The following ZFHX3 variants were observed in gnomAD, a reference collection of about 807,000 sequenced individuals.
ZFHX3 encodes zinc finger homeobox 3, also known as zinc finger homeobox protein 3.
A neutral mutation model predicts 279.1 loss-of-function variants in ZFHX3; 42 were observed. The observed-to-expected ratio is 0.15, with a 90% CI of 0.12 to 0.19. The LOEUF (loss-of-function observed/expected upper bound fraction) is 0.19. Among genes scored for constraint, ZFHX3 ranks in the 10% least tolerant of loss-of-function variants. The probability of loss-of-function intolerance (pLI) is 1.00; values close to 1 mark genes in which losing one functional copy is unlikely to be tolerated. For synonymous variants in ZFHX3, 2,293 were observed against 1,957.8 expected, an observed-to-expected ratio of 1.17 and a Z score of -4.52; for missense variants, 4,981 against 4,754.0, an observed-to-expected ratio of 1.05 and a Z score of -1.40.
rs1204695215 is a variant in ZFHX3 at position 72,866,553 on chromosome 16, C to A, written c.3448+23178G>T. On this transcript the variant is annotated intron_variant, in intron 4 of 9. Coordinates refer to ENST00000268489, the MANE Select transcript of ZFHX3 (RefSeq NM_006885.4). ...ATAACTTGACCAAGGTCACTAAGCT[C>A]AGAAAAGCTGGGATCTAAACTCCTA... 2.6e-5 allele frequency among the ~76,000 whole-genome samples: 4 copies of A among 152,148 alleles called. No homozygotes were observed. In the South Asian group the frequency reaches 6.2e-4, roughly 24 times the overall value.
chr16:72,872,721 A>G (rs2038194929), intron 4 of ZFHX3, among the ~76,000 whole-genome samples: 1 of 152,200 alleles, frequency 6.6e-6, no homozygotes, highest in Non-Finnish European at 1.5e-5. Flanking sequence ...GGCCTCACAA[A>G]GTGCTCAGAT....
intron 1 of ZFHX3, among the ~76,000 whole-genome samples, chr16:72,967,923 A>G (rs372262163): frequency 2.0e-4 from 22 of 109,748 alleles, no homozygotes; most frequent in African/African-American, 7.0e-4. Context: ...GAGAGACCCC[A>G]TCTAAAAAAA....
chr16:73,270,106 C>T (rs966660450), intron 4 of ZFHX3, among the ~76,000 whole-genome samples: 3 of 152,110 alleles, frequency 2.0e-5, no homozygotes, highest in African/African-American at 7.2e-5. Context: ...TAAAATTGTT[C>T]ATCCTTGTCA....
chr16:73,873,989 A>G (rs940559087), intron 1 of ZFHX3, among the ~76,000 whole-genome samples: 1 of 152,164 alleles, frequency 6.6e-6, no homozygotes, highest in Admixed American at 6.5e-5. Flanking sequence ...AAAAAAAAAG[A>G]AACAAAGGTA....
chr16:73,265,035 ACACCTCAGCGCATATATATAATAG>A (rs2013932423), intron 4 of ZFHX3, among the ~76,000 whole-genome samples: 1 of 111,948 alleles, frequency 8.9e-6, no homozygotes, highest in African/African-American at 3.1e-5. Flanking sequence ...TATATATATA[ACACCTCAGCGCATATATATAATAG>A]CACCTCAGCG....
intron 3 of ZFHX3, among the ~76,000 whole-genome samples, chr16:73,349,650 C>CCT (rs2016191655): frequency 1.3e-4 from 2 of 15,258 alleles, no homozygotes; most frequent in Admixed American, 4.5e-4. Flanking sequence ...CCCTCCCTCT[C>CCT]TCCCTCCTTC....
At chr16:73,312,485 T>C (rs7189366) in intron 4 of ZFHX3, among the ~76,000 whole-genome samples, 119,528 of 152,166 alleles carry the variant, frequency 0.79, 47,348 homozygotes, top group African/African-American at 0.87. Context: ...TTAATGATAG[T>C]GTGTCAAGGT....
At chr16:73,270,933 A>G (rs994033768) in intron 4 of ZFHX3, among the ~76,000 whole-genome samples, 4 of 152,208 alleles carry the variant, frequency 2.6e-5, no homozygotes, top group African/African-American at 9.6e-5. Context: ...CTGACTAGGT[A>G]ATGTGTAACA....
chr16:73,325,928 A>ACACACAAAAACACACAC (rs1567451240), intron 3 of ZFHX3, among the ~76,000 whole-genome samples: 24 of 145,572 alleles, frequency 1.6e-4, no homozygotes, highest in South Asian at 1.3e-3. Context: ...CACACACACA[A>ACACACAAAAACACACAC]ACACACACAC....
chr16:73,288,715 C>G (rs1437292069), intron 4 of ZFHX3, among the ~76,000 whole-genome samples: 6 of 152,064 alleles, frequency 3.9e-5, no homozygotes, highest in African/African-American at 1.4e-4. Flanking sequence ...TGCTGCCGCT[C>G]TACACAAAAG....
At position 73,327,488 on chromosome 16, in the gene ZFHX3, G is replaced by T. The variant is rs539172221; in HGVS notation, c.-1290-9152C>A. ...TGAAAACATGGATGACCAATGGTTG[G>T]ATGAAAGCACAGTCTTCAGGTCCCT... On this transcript the variant is annotated intron_variant, in intron 3 of 17. Transcript: ENST00000641206. Among the ~76,000 whole-genome samples, 3 of 152,308 alleles carry T rather than the reference G, an allele frequency of 2.0e-5. No individual in the cohort carries two copies. In the South Asian group the frequency reaches 6.2e-4, roughly 32 times the overall value.
At chr16:73,380,230 T>C (rs2016797159) in intron 3 of ZFHX3, among the ~76,000 whole-genome samples, 2 of 152,050 alleles carry the variant, frequency 1.3e-5, no homozygotes, top group African/African-American at 2.4e-5. Context: ...CAGTTAAGTA[T>C]ATAAGGGAAA....
At chr16:73,464,367 G>A (rs2018525917) in intron 2 of ZFHX3, among the ~76,000 whole-genome samples, 1 of 151,798 alleles carries the variant, frequency 6.6e-6, no homozygotes, top group South Asian at 2.1e-4. Context: ...TGGGGGAGGG[G>A]GTTATTTCAG....
intron 2 of ZFHX3, among the ~76,000 whole-genome samples, chr16:73,563,627 A>C (rs1241635495): frequency 6.6e-6 from 1 of 152,162 alleles, no homozygotes; most frequent in Non-Finnish European, 1.5e-5. Context: ...TGCGTGAAAC[A>C]GCAATAATCT....
At chr16:73,641,950 C>T (rs1306100923) in intron 2 of ZFHX3, among the ~76,000 whole-genome samples, 2 of 152,088 alleles carry the variant, frequency 1.3e-5, no homozygotes, top group Non-Finnish European at 2.9e-5. Context: ...GTGACGCGAG[C>T]TCTGGGCAGG....
At chr16:73,179,242 A>C (rs1292946690) in intron 5 of ZFHX3, among the ~76,000 whole-genome samples, 1 of 152,206 alleles carries the variant, frequency 6.6e-6, no homozygotes, top group Non-Finnish European at 1.5e-5. Flanking sequence ...TGTTTACTTC[A>C]TTGAGATCTT....
chr16:73,790,958 A>C (rs1959805685), intron 1 of ZFHX3, among the ~76,000 whole-genome samples: 1 of 151,778 alleles, frequency 6.6e-6, no homozygotes, highest in Admixed American at 6.6e-5. Flanking sequence ...TTCCACTCCA[A>C]CCTCAGGTTT....
At chr16:73,344,034 G>T (rs1035449750) in intron 3 of ZFHX3, among the ~76,000 whole-genome samples, 7 of 152,186 alleles carry the variant, frequency 4.6e-5, no homozygotes, top group Admixed American at 3.9e-4. Flanking sequence ...ACTAGTAGGT[G>T]AATGTTTGAT....
intron 2 of ZFHX3, among the ~76,000 whole-genome samples, chr16:73,608,192 G>C (rs13334891): frequency 0.03 from 4,634 of 152,226 alleles, 243 homozygotes; most frequent in African/African-American, 0.1. Flanking sequence ...TGTGGAAATT[G>C]GCTTTAAGCC....
Sources: allele counts gnomAD v4.1 joint callset (sites outside exome capture counted in the v4.1 genomes callset), GRCh38; gene constraint gnomAD v4.1.1; transcripts MANE v1.5; gene names NCBI Gene and HGNC (gene_info 2026-07-23, HGNC 2026-07-21).